NQO1: variants seen among roughly 807,000 people sequenced by gnomAD.
NQO1 encodes the protein NAD(P)H quinone dehydrogenase 1, also known as NAD(P)H dehydrogenase [quinone] 1.
In NQO1, 30 loss-of-function variants were observed where a neutral mutation model predicts 32.1. The observed-to-expected ratio is 0.94, with a 90% CI of 0.70 to 1.27. NQO1 has a LOEUF of 1.27. Ranked by LOEUF, NQO1 falls within the 50% of genes most tolerant of loss-of-function variation. The pLI, the probability that NQO1 is intolerant of heterozygous loss-of-function variation, is 0.00. For synonymous variants in NQO1, 109 were observed against 119.7 expected (o/e 0.91, Z 0.59); for missense variants, 276 against 331.3 (o/e 0.83, Z 1.30).
intron 1 of NQO1, among the ~76,000 whole-genome samples, chr16:69,721,986 G>A (rs972013383): frequency 1.2e-4 from 19 of 152,220 alleles, no homozygotes; most frequent in African/African-American, 4.1e-4. Flanking sequence ...CTGGGCGACA[G>A]TGAGACTTAC....
At chr16:69,721,349 A>G (rs919072104) in intron 1 of NQO1, among the ~76,000 whole-genome samples, 1 of 152,152 alleles carries the variant, frequency 6.6e-6, no homozygotes, top group African/African-American at 2.4e-5. Context: ...AGGCCCTCAT[A>G]AAAGAGGCTT....
At chr16:69,715,219 G>C (rs2038098123) in intron 3 of NQO1, 142 bp from the exon 4 acceptor site, 2 of 636,750 alleles carry the variant, frequency 3.1e-6, no homozygotes, top group Admixed American at 5.3e-5. Context: ...TGGGGAGTTA[G>C]CACTTTAAGG....
intron 4 of NQO1, among the ~76,000 whole-genome samples, chr16:69,713,974 C>G (rs1046858176): frequency 1.3e-5 from 2 of 149,670 alleles, no homozygotes; most frequent in Non-Finnish European, 3.0e-5. Context: ...CTCCCGGGTT[C>G]AAGCAACTAT....
At chr16:69,711,799 A>C (rs914273798) in intron 5 of NQO1, among the ~76,000 whole-genome samples, 1 of 151,736 alleles carries the variant, frequency 6.6e-6, no homozygotes, top group Admixed American at 6.6e-5. Flanking sequence ...GATTACAGGC[A>C]TGCGCCACCA....
At chr16:69,726,212 A>G (rs891637163) in intron 1 of NQO1, among the ~76,000 whole-genome samples, 49 of 152,058 alleles carry the variant, frequency 3.2e-4, no homozygotes, top group Non-Finnish European at 1.8e-4. Flanking sequence ...TGCCCACTAG[A>G]GTTCGTGGGG....
intron 3 of NQO1, among the ~76,000 whole-genome samples, chr16:69,715,561 A>T (rs565874809): frequency 6.6e-6 from 1 of 152,282 alleles, no homozygotes; most frequent in East Asian, 1.9e-4. Context: ...TGAGGGCATG[A>T]GTTTGAGACC....
chr16:69,725,054 A>G (rs1375041451), intron 1 of NQO1, among the ~76,000 whole-genome samples: 1 of 152,202 alleles, frequency 6.6e-6, no homozygotes, highest in Non-Finnish European at 1.5e-5. Flanking sequence ...ACGCTGAAGA[A>G]TGAAATACAA....
chr16:69,719,605 C>T (rs1307722440), intron 1 of NQO1, among the ~76,000 whole-genome samples: 1 of 151,534 alleles, frequency 6.6e-6, no homozygotes, highest in Non-Finnish European at 1.5e-5. Context: ...GAAACCCTGT[C>T]TCTACAAAAA....
At chr16:69,712,932 G>T (rs146678062) in intron 5 of NQO1, 96 bp downstream of exon 5, 1 of 993,914 alleles carries the variant, frequency 1.0e-6, no homozygotes. Context: ...GGCGGAGCTT[G>T]TAGTGAACTA....
intron 3 of NQO1, 78 bp downstream of exon 3, chr16:69,718,045 C>A: frequency 6.4e-7 from 1 of 1,572,906 alleles, no homozygotes; most frequent in Non-Finnish European, 8.6e-7. Context: ...TGTTTAAGAT[C>A]TCATAGCTAA....
chr16:69,711,226 C>CTA lies in NQO1; in HGVS notation c.573_574dup (p.Ser192IlefsTer41), dbSNP rs2038036123. 6 of 1,613,572 alleles carry CTA rather than the reference C, an allele frequency of 3.7e-6. No individual in the cohort carries two copies. The highest frequency in any genetic ancestry group is 4.2e-6 in the Non-Finnish European group (5 of 1,179,530). ...GGCGTCTGCTGGAGTGTGCCCAATG[C>CTA]TATATGTCAGTTGAGGTTCTAAGAC... is the stretch of plus-strand genomic sequence containing the variant. On this transcript the variant is annotated frameshift_variant, in exon 6 of 6. Transcript: ENST00000320623. LOFTEE classifies it high-confidence loss of function.
intron 1 of NQO1, among the ~76,000 whole-genome samples, chr16:69,723,165 C>T (rs373093170): frequency 6.6e-6 from 1 of 152,178 alleles, no homozygotes; most frequent in Non-Finnish European, 1.5e-5. Flanking sequence ...CCTCGTGATC[C>T]GCCTGTCTCG....
At position 69,709,604 on chromosome 16, in the gene NQO1, C is replaced by T; in HGVS notation, c.*1372G>A. ...GTTTTCCAGCTCGGTCCAATCCCTT[C>T]ATTTTCTTGGCAAGTAAGAGGCTGT... On this transcript the variant is annotated 3_prime_UTR_variant, in exon 6 of 6. Coordinates refer to ENST00000320623, the MANE Select transcript of NQO1 (RefSeq NM_000903.3). 2.5e-6 allele frequency: 1 copy of T among 393,792 alleles called. No individual in the cohort carries two copies. Among genetic ancestry groups the T allele is most frequent in the East Asian group, 3.6e-5 (1 of 27,850 alleles). The allele number at this position is 393,792 out of a possible 1,614,324, so 24.4% of individuals were successfully genotyped here.
rs375381047 is a variant in NQO1 at position 69,715,463 on chromosome 16, G to A, written c.304-386C>T. Among the ~76,000 whole-genome samples, 178 of 152,320 alleles carry A rather than the reference G, an allele frequency of 1.2e-3. 1 individual carries two copies. The highest frequency in any genetic ancestry group is 2.2e-3 in the Non-Finnish European group (151 of 68,022). ...TTCCCAAGAGTTTGCTTTAGTAGGTGTGGTATCAACAATATGACTGTTGGC... is the reference window on the plus strand; with the variant it reads ...TTCCCAAGAGTTTGCTTTAGTAGGTATGGTATCAACAATATGACTGTTGGC... On this transcript the variant is annotated intron_variant, in intron 3 of 5. Transcript: ENST00000320623.
intron 3 of NQO1, among the ~76,000 whole-genome samples, chr16:69,716,909 C>A (rs993069497): frequency 1.3e-5 from 2 of 152,108 alleles, no homozygotes; most frequent in African/African-American, 4.8e-5. Context: ...AGAGATCATG[C>A]CACTGCACTC....
At chr16:69,717,834 G>A (rs924127506) in intron 3 of NQO1, among the ~76,000 whole-genome samples, 39 of 152,162 alleles carry the variant, frequency 2.6e-4, no homozygotes, top group African/African-American at 7.9e-4. Context: ...GATGGTCTTG[G>A]TCTCTTGACC....
Position 69,711,204 on chromosome 16 carries a change from G to A in NQO1, c.597C>T (p.Asp199=), listed in dbSNP as rs114590780. The change falls in exon 6 of 6, where the codon GAC becomes GAT. Residue 199 remains aspartate, a synonymous_variant. Coordinates refer to ENST00000320623, the MANE Select transcript of NQO1 (RefSeq NM_000903.3). The stretch of plus-strand genomic sequence containing the variant: ...ATCCTTCCAGGATTTGAATTCGGGC[G>A]TCTGCTGGAGTGTGCCCAATGCTAT... ...LTYSIGHTPA[D]ARIQILEGWK... is the part of the protein sequence containing the mutation. 102 of 1,614,028 alleles carry A rather than the reference G, an allele frequency of 6.3e-5. No individual in the cohort carries two copies. In the South Asian group the frequency reaches 8.7e-4, roughly 14 times the overall value.
At chr16:69,725,283 A>C (rs191876411) in intron 1 of NQO1, among the ~76,000 whole-genome samples, 176 of 152,376 alleles carry the variant, frequency 1.2e-3, no homozygotes, top group Admixed American at 0.011. Context: ...TTTTAGAGGC[A>C]GGACCAGGTC....
chr16:69,712,320 C>A (rs2038052526), intron 5 of NQO1, among the ~76,000 whole-genome samples: 1 of 152,090 alleles, frequency 6.6e-6, no homozygotes, highest in Admixed American at 6.6e-5. Flanking sequence ...TCAAGCGATC[C>A]TTCTGCCTCA....
Sources: gnomAD v4.1 joint callset for allele counts (sites outside exome capture counted in the v4.1 genomes callset) on GRCh38, gnomAD v4.1.1 for gene constraint, MANE v1.5 for transcripts, NCBI Gene and HGNC (gene_info 2026-07-23, HGNC 2026-07-21) for gene names.